The following PARP8 variants were observed in gnomAD, a reference collection of about 807,000 sequenced individuals.
PARP8 encodes protein mono-ADP-ribosyltransferase PARP8.
A neutral mutation model predicts 124.1 loss-of-function variants in PARP8; 51 were observed. That is an observed-to-expected ratio of 0.41 (90% CI 0.33 to 0.52). The LOEUF is 0.52. Among genes scored for constraint, PARP8 ranks in the 20% least tolerant of loss-of-function variants. The pLI is 0.21. For synonymous variants in PARP8, 391 were observed against 361.5 expected, an observed-to-expected ratio of 1.08 and a Z score of -0.93; for missense variants, 860 against 1,018.9, an observed-to-expected ratio of 0.84 and a Z score of 2.12.
chr5:50,816,761 A>T (rs1013174479), intron 15 of PARP8, among the ~76,000 whole-genome samples: 4 of 152,150 alleles, frequency 2.6e-5, no homozygotes, highest in Non-Finnish European at 5.9e-5. Context: ...GCATCCCTAT[A>T]ACTAAGAAAA....
At chr5:50,668,865 A>T (rs1392550694) in intron 2 of PARP8, 1 of 152,228 alleles carries the variant, frequency 6.6e-6, no homozygotes, top group Non-Finnish European at 1.5e-5. Flanking sequence ...AGTAGTTTAA[A>T]AGAGCAGTAG....
Position 50,696,221 on chromosome 5 carries a change from T to C in PARP8, c.146+28096T>C, listed in dbSNP as rs140442206. Among the ~76,000 whole-genome samples the C allele has an allele frequency of 6.6e-5, 10 of 152,300 alleles. No homozygotes were observed. In the East Asian group the frequency reaches 1.9e-3, roughly 29 times the overall value. The stretch of plus-strand genomic sequence containing the variant: ...AGTGTATCATCACTTTTTAGACTGT[T>C]TGGGCTGTTTTACAGAAATAGCAAA... On this transcript the variant is annotated intron_variant, in intron 2 of 25. Coordinates refer to ENST00000281631, the MANE Select transcript of PARP8 (RefSeq NM_024615.4).
chr5:50,756,958 A>G (rs1177167942), intron 3 of PARP8, among the ~76,000 whole-genome samples: 1 of 152,208 alleles, frequency 6.6e-6, no homozygotes, highest in African/African-American at 2.4e-5. Flanking sequence ...TTCACTTGGC[A>G]TAACGTCTTC....
At chr5:50,702,477 T>C (rs1382759334) in intron 2 of PARP8, among the ~76,000 whole-genome samples, 2 of 152,202 alleles carry the variant, frequency 1.3e-5, no homozygotes, top group African/African-American at 4.8e-5. Flanking sequence ...CTCATTTTGA[T>C]ATGTGATTTT....
intron 14 of PARP8, among the ~76,000 whole-genome samples, chr5:50,802,962 A>T (rs1488646231): frequency 6.6e-6 from 1 of 152,132 alleles, no homozygotes; most frequent in Non-Finnish European, 1.5e-5. Flanking sequence ...TTTAATCTGA[A>T]GAACTCCCTT....
At chr5:50,784,296 C>G (rs1229600006) in intron 9 of PARP8, among the ~76,000 whole-genome samples, 2 of 151,992 alleles carry the variant, frequency 1.3e-5, no homozygotes, top group East Asian at 3.9e-4. Context: ...AGACATATAC[C>G]TCCTTATCCA....
At chr5:50,808,373 G>T (rs1294913432) in intron 14 of PARP8, among the ~76,000 whole-genome samples, 1 of 151,914 alleles carries the variant, frequency 6.6e-6, no homozygotes, top group Non-Finnish European at 1.5e-5. Flanking sequence ...GGGAGTAGAG[G>T]AAAAAGTTAC....
intron 7 of PARP8, among the ~76,000 whole-genome samples, chr5:50,768,576 C>T (rs1761282983): frequency 6.6e-6 from 1 of 152,104 alleles, no homozygotes; most frequent in Non-Finnish European, 1.5e-5. Context: ...TTGATGTGAT[C>T]TTTTCACAGT....
intron 14 of PARP8, among the ~76,000 whole-genome samples, chr5:50,808,851 C>T (rs1184639058): frequency 6.6e-6 from 1 of 151,946 alleles, no homozygotes; most frequent in Admixed American, 6.6e-5. Context: ...AAGAGTAAAA[C>T]GGGTAGGTCT....
At chr5:50,713,032 G>A (rs966538937) in intron 2 of PARP8, among the ~76,000 whole-genome samples, 2 of 151,862 alleles carry the variant, frequency 1.3e-5, no homozygotes, top group African/African-American at 4.8e-5. Flanking sequence ...GTGCCAGATG[G>A]CTTGACTTTC....
At chr5:50,804,218 T>G (rs1367822770) in intron 14 of PARP8, among the ~76,000 whole-genome samples, 1 of 152,204 alleles carries the variant, frequency 6.6e-6, no homozygotes, top group African/African-American at 2.4e-5. Context: ...GTAAATGTTT[T>G]CAATCCCCAC....
At chr5:50,715,617 C>T (rs749219556) in intron 2 of PARP8, among the ~76,000 whole-genome samples, 2 of 151,602 alleles carry the variant, frequency 1.3e-5, no homozygotes, top group African/African-American at 2.4e-5. Flanking sequence ...TGTTTTTAAA[C>T]AATTATTTTT....
At chr5:50,707,505 T>G (rs1457099771) in intron 2 of PARP8, among the ~76,000 whole-genome samples, 1 of 152,088 alleles carries the variant, frequency 6.6e-6, no homozygotes, top group Non-Finnish European at 1.5e-5. Flanking sequence ...ATTAAAATTC[T>G]TAAGTCATTA....
At chr5:50,812,286 C>T (rs1414245323) in intron 14 of PARP8, among the ~76,000 whole-genome samples, 1 of 152,056 alleles carries the variant, frequency 6.6e-6, no homozygotes, top group East Asian at 1.9e-4. Context: ...ATCGCCATTC[C>T]AACTGGTGTG....
rs1221677495 is a variant in PARP8 at position 50,781,172 on chromosome 5, T to C, written c.670+2522T>C. On this transcript the variant is annotated intron_variant, in intron 9 of 25. Transcript: ENST00000281631. ...TTTTCCAATCTGTCTTCTGCTCCAC[T>C]GAGTGAATTTTTTTCGTGATTTCAT... 5.3e-5 allele frequency among the ~76,000 whole-genome samples: 8 copies of C among 152,220 alleles called. No homozygotes were observed. The East Asian group carries it at 1.3e-3, about 26-fold the overall frequency.
chr5:50,711,642 G>T (rs1260430205), intron 2 of PARP8, among the ~76,000 whole-genome samples: 1 of 152,058 alleles, frequency 6.6e-6, no homozygotes, highest in Non-Finnish European at 1.5e-5. Flanking sequence ...ATGAGTCCTT[G>T]GTTGAGCCGC....
At chr5:50,820,148 G>A (rs1745595751) in intron 15 of PARP8, among the ~76,000 whole-genome samples, 1 of 152,084 alleles carries the variant, frequency 6.6e-6, no homozygotes, top group African/African-American at 2.4e-5. Flanking sequence ...TGCTATGATT[G>A]GGTGGGTGTG....
chr5:50,814,634 A>G (rs1744880152), intron 14 of PARP8, among the ~76,000 whole-genome samples: 1 of 152,124 alleles, frequency 6.6e-6, no homozygotes, highest in African/African-American at 2.4e-5. Flanking sequence ...ATGGGGCCAT[A>G]CATCCCCACT....
At chr5:50,796,581 C>CT (rs1742582322) in intron 12 of PARP8, among the ~76,000 whole-genome samples, 1 of 152,180 alleles carries the variant, frequency 6.6e-6, no homozygotes, top group Admixed American at 6.5e-5. Context: ...TGTTATGACA[C>CT]TTTCAGTAGC....
Sources: gnomAD v4.1 joint callset for allele counts (sites outside exome capture counted in the v4.1 genomes callset) on GRCh38, gnomAD v4.1.1 for gene constraint, MANE v1.5 for transcripts, NCBI Gene and HGNC (gene_info 2026-07-23, HGNC 2026-07-21) for gene names.